ADARB2: variants seen among roughly 807,000 people sequenced by gnomAD.
ADARB2 encodes inactive double-stranded RNA-specific editase B2.
ADARB2 carries 25 observed loss-of-function variants against 62.2 expected under a neutral mutation model. That is an observed-to-expected ratio of 0.40 (90% CI 0.29 to 0.56). ADARB2 has a LOEUF of 0.56. Ranked by LOEUF, ADARB2 falls within the 20% of genes least tolerant of loss-of-function variation. ADARB2 has a pLI of 0.43. For synonymous variants in ADARB2, 572 were observed against 500.8 expected (o/e 1.14, Z -1.90); for missense variants, 1,071 against 1,077.4 (o/e 0.99, Z 0.08).
intron 9 of ADARB2, among the ~76,000 whole-genome samples, 161 bp downstream of exon 9, chr10:1,184,700 C>T (rs576336671): frequency 3.3e-5 from 5 of 152,328 alleles, no homozygotes; most frequent in African/African-American, 7.2e-5. Flanking sequence ...ACAGGGGAAA[C>T]GCTGCTGGCC....
chr10:1,602,448 C>G (rs188602591), intron 1 of ADARB2, among the ~76,000 whole-genome samples: 5 of 152,134 alleles, frequency 3.3e-5, no homozygotes. Flanking sequence ...GGAGGGGAAG[C>G]GTGATTTTTC....
intron 1 of ADARB2, among the ~76,000 whole-genome samples, chr10:1,597,923 T>C (rs1043859721): frequency 2.6e-5 from 4 of 152,198 alleles, no homozygotes; most frequent in African/African-American, 9.7e-5. Flanking sequence ...ATATACACTG[T>C]GGAATACTAT....
intron 4 of ADARB2, among the ~76,000 whole-genome samples, chr10:1,244,177 G>C (rs930120033): frequency 5.3e-5 from 8 of 152,364 alleles, no homozygotes; most frequent in Admixed American, 3.3e-4. Flanking sequence ...GACTCTGCCA[G>C]GGGTGGGAGC....
intron 2 of ADARB2, among the ~76,000 whole-genome samples, chr10:1,367,414 T>G (rs1285827321): frequency 6.6e-6 from 1 of 152,250 alleles, no homozygotes; most frequent in Non-Finnish European, 1.5e-5. Context: ...TTGTTCAAAA[T>G]GTGGATCTGA....
chr10:1,643,488 G>A (rs1834001904), intron 1 of ADARB2, among the ~76,000 whole-genome samples: 1 of 152,172 alleles, frequency 6.6e-6, no homozygotes, highest in African/African-American at 2.4e-5. Flanking sequence ...GATGGTGGGG[G>A]GCTAGGGTTA....
At chr10:1,353,308 C>T (rs1313126131) in intron 3 of ADARB2, among the ~76,000 whole-genome samples, 1 of 152,190 alleles carries the variant, frequency 6.6e-6, no homozygotes, top group Non-Finnish European at 1.5e-5. Flanking sequence ...ATCAACCTTA[C>T]CCATTCTCTC....
intron 4 of ADARB2, among the ~76,000 whole-genome samples, chr10:1,263,680 C>A (rs1012301543): frequency 6.6e-6 from 1 of 152,162 alleles, no homozygotes; most frequent in Non-Finnish European, 1.5e-5. Flanking sequence ...TCATGTATTT[C>A]CATCTACCCA....
intron 1 of ADARB2, among the ~76,000 whole-genome samples, chr10:1,589,039 T>G (rs1833214468): frequency 6.6e-6 from 1 of 152,234 alleles, no homozygotes; most frequent in Admixed American, 6.5e-5. Context: ...AGGCTCTTTG[T>G]CTTCTTGTGT....
intron 1 of ADARB2, among the ~76,000 whole-genome samples, chr10:1,676,983 G>A (rs1447719624): frequency 6.6e-6 from 1 of 152,144 alleles, no homozygotes; most frequent in East Asian, 1.9e-4. Context: ...CTGGGGAGGA[G>A]CCCCCCTGAC....
At chr10:1,616,983 T>A (rs60736342) in intron 1 of ADARB2, among the ~76,000 whole-genome samples, 12,824 of 132,284 alleles carry the variant, frequency 0.097, no homozygotes, top group African/African-American at 0.14. Flanking sequence ...CTCAGAGGGT[T>A]ACATTCTGTC....
intron 1 of ADARB2, among the ~76,000 whole-genome samples, chr10:1,431,345 A>C (rs761020177): frequency 2.0e-5 from 3 of 152,240 alleles, no homozygotes; most frequent in Non-Finnish European, 2.9e-5. Context: ...CCCATGTATC[A>C]GAGAAAAAAT....
chr10:1,349,163 T>C (rs1832110445), intron 3 of ADARB2, among the ~76,000 whole-genome samples: 1 of 152,086 alleles, frequency 6.6e-6, no homozygotes. Flanking sequence ...ATGATGACAT[T>C]ACCTTATGAA....
chr10:1,529,941 T>TCCATTGC (rs71379136), intron 1 of ADARB2, among the ~76,000 whole-genome samples: 1 of 151,272 alleles, frequency 6.6e-6, no homozygotes, highest in African/African-American at 2.4e-5. Context: ...CAGGGACCCA[T>TCCATTGC]TCACTGCCCC....
At chr10:1,695,508 A>G (rs373815347) in intron 1 of ADARB2, among the ~76,000 whole-genome samples, 1 of 152,300 alleles carries the variant, frequency 6.6e-6, no homozygotes, top group East Asian at 1.9e-4. Flanking sequence ...AAACAATCTC[A>G]TATATAGACG....
intron 7 of ADARB2, 131 bp from the exon 8 acceptor site, chr10:1,200,278 G>A: frequency 7.9e-7 from 1 of 1,271,600 alleles, no homozygotes; most frequent in Non-Finnish European, 1.1e-6. Context: ...GGAGCTCCCT[G>A]GGAGTGCCCC....
Position 1,653,152 on chromosome 10 carries a change from C to T in ADARB2, c.100+83899G>A, listed in dbSNP as rs142229701. ...CACCTTCCCACGGAGGTGACTTGCA[C>T]GAGGGTGTCAGCGTCCAGGGGAAAT... On this transcript the variant is annotated intron_variant, in intron 1 of 9. Coordinates refer to ENST00000381312, the MANE Select transcript of ADARB2 (RefSeq NM_018702.4). 8.8e-3 allele frequency among the ~76,000 whole-genome samples: 1,336 copies of T among 152,294 alleles called. 16 individuals are homozygous for T. Among genetic ancestry groups the T allele is most frequent in the East Asian group, 0.045 (235 of 5,178 alleles).
intron 3 of ADARB2, among the ~76,000 whole-genome samples, chr10:1,278,419 C>T (rs1831339721): frequency 6.6e-6 from 1 of 151,230 alleles, no homozygotes. Context: ...AGTTTCTCAA[C>T]CCCCTCCCTC....
At chr10:1,232,118 ACTC>A (rs1830809471) in intron 6 of ADARB2, among the ~76,000 whole-genome samples, 2 of 151,942 alleles carry the variant, frequency 1.3e-5, no homozygotes, top group Admixed American at 6.6e-5. Context: ...TCAGGACTGG[ACTC>A]CTCATCATAC....
rs559426463 is a variant in ADARB2 at position 1,328,498 on chromosome 10, G to T, written c.1077+34530C>A. ...ACGTTCAGTTATTCCATTCAAACCC[G>T]CGTCCTGTTTTTTTTTCTTGAACAG... On this transcript the variant is annotated intron_variant, in intron 3 of 9. Transcript: ENST00000381312. Among the ~76,000 whole-genome samples, 4 of 152,030 alleles carry T rather than the reference G, an allele frequency of 2.6e-5. No individual in the cohort carries two copies. The East Asian group carries it at 7.8e-4, about 30-fold the overall frequency.
Sources: allele counts gnomAD v4.1 joint callset (sites outside exome capture counted in the v4.1 genomes callset), GRCh38; gene constraint gnomAD v4.1.1; transcripts MANE v1.5; gene names NCBI Gene and HGNC (gene_info 2026-07-23, HGNC 2026-07-21).